Variants in PRKCG observed in about 807,000 individuals in gnomAD.
PRKCG encodes protein kinase C gamma.
In PRKCG, 28 loss-of-function variants were observed where a neutral mutation model predicts 82.0. The ratio of observed to expected loss-of-function variants is 0.34; its 90% CI spans 0.25 to 0.47. PRKCG has a LOEUF of 0.47. Ranked by LOEUF, PRKCG falls within the 20% of genes least tolerant of loss-of-function variation. The probability of loss-of-function intolerance (pLI) is 1.00; values close to 1 mark genes in which losing one functional copy is unlikely to be tolerated. For synonymous variants in PRKCG, 383 were observed against 376.6 expected (o/e 1.02, Z -0.20); for missense variants, 640 against 952.7 (o/e 0.67, Z 4.32).
In PRKCG at chr19:53,882,653, C is replaced by G; in HGVS notation, c.159C>G (p.Thr53=). 6.2e-7 allele frequency: 1 copy of G among 1,612,462 alleles called. No homozygotes were observed. Among genetic ancestry groups the G allele is most frequent in the Admixed American group, 1.7e-5 (1 of 59,996 alleles). ...FKQPTFCSHC[T]DFIWGIGKQG... is the part of the protein sequence containing the mutation. ...AGCCCACCTTCTGCAGCCACTGCACCGACTTCATCTGGTGAGGGAAGGGGG... is the reference window on the plus strand; with the variant it reads ...AGCCCACCTTCTGCAGCCACTGCACGGACTTCATCTGGTGAGGGAAGGGGG... The change falls in exon 1 of 18, where the codon ACC becomes ACG. Residue 53 remains threonine, a synonymous_variant. Transcript: ENST00000263431. This position sits in a 1 kb window ranked among gnomAD's most constrained non-coding sequence, Gnocchi z 6.1.
Position 53,900,259 on chromosome 19 carries a change from C to CG in PRKCG, c.1309dup (p.Val437GlyfsTer17). The CG allele has an allele frequency of 6.2e-7, 1 of 1,614,072 alleles. No homozygotes were observed. Among genetic ancestry groups the CG allele is most frequent in the Non-Finnish European group, 8.5e-7 (1 of 1,180,028 alleles). ...ACCGCCTGTATTTCGTGATGGAGTA[C>CG]GTCACCGGGGGAGACTTGATGTACC... On this transcript the variant is annotated frameshift_variant, in exon 12 of 18. Transcript: ENST00000263431. LOFTEE classifies it high-confidence loss of function. This position sits in a 1 kb window ranked among gnomAD's most constrained non-coding sequence, Gnocchi z 4.2.
At position 53,884,072 on chromosome 19, in the gene PRKCG, C is replaced by T. The variant is rs1599938439; in HGVS notation, c.203-89C>T. ...TCTGGTTTTCTCAGTGTCCGAGTTC[C>T]GCTCTCTCTTTCCAATTTTCTGTCT... On this transcript the variant is annotated intron_variant, in intron 2 of 17. Coordinates refer to ENST00000263431, the MANE Select transcript of PRKCG (RefSeq NM_002739.5). This position sits in a 1 kb window ranked among gnomAD's most constrained non-coding sequence, Gnocchi z 4.6. 4.6e-6 allele frequency: 6 copies of T among 1,292,668 alleles called. No homozygotes were observed. The highest frequency in any genetic ancestry group is 3.4e-5 in the Admixed American group (2 of 58,730). 80.1% of individuals were successfully genotyped at this position (1,292,668 alleles called of 1,614,324 possible). A position where few individuals can be genotyped will look rare whatever the true frequency, so the allele number is the denominator to read the frequency against.
chr19:53,885,221 A>T (rs1049165244), intron 3 of PRKCG, among the ~76,000 whole-genome samples: 1 of 149,928 alleles, frequency 6.7e-6, no homozygotes, highest in Non-Finnish European at 1.5e-5. Flanking sequence ...ATTGGCTTAA[A>T]TTTTTTTTTT....
chr19:53,885,067 T>C (rs996037596), intron 3 of PRKCG, among the ~76,000 whole-genome samples: 39 of 152,156 alleles, frequency 2.6e-4, no homozygotes, highest in Admixed American at 2.4e-3. Flanking sequence ...TGATCTAGCA[T>C]TGACCAACAG....
intron 9 of PRKCG, among the ~76,000 whole-genome samples, chr19:53,893,757 T>C (rs2068697278): frequency 7.5e-6 from 1 of 132,806 alleles, no homozygotes; most frequent in Admixed American, 7.7e-5. Flanking sequence ...AATTTTTTAA[T>C]TTATTTTTAT....
chr19:53,904,677 A>G lies in PRKCG; in HGVS notation c.1699A>G (p.Ile567Val). 7.4e-6 allele frequency: 12 copies of G among 1,613,698 alleles called. No individual in the cohort carries two copies. Among genetic ancestry groups the G allele is most frequent in the Non-Finnish European group, 1.0e-5 (12 of 1,179,936 alleles). Residue 567 changes from isoleucine (I) to valine (V), a missense_variant, in exon 16 of 18, where the codon ATC (isoleucine) becomes GTC (valine). By Grantham distance (29) the Ile-to-Val change is conservative (BLOSUM62 3). Around this residue, in one of 7 missense-constraint regions of PRKCG, gnomAD observed 198 missense variants for 273.4 expected, o/e 0.72. Transcript: ENST00000263431. ...GEDEEELFQA[I>V]MEQTVTYPKS... is the part of the protein sequence containing the mutation. ...GGACGAGGAGGAGCTGTTTCAGGCC[A>G]TCATGGAACAAACTGTCACCTACCC...
At chr19:53,906,029 C>A (rs997463627) in intron 16 of PRKCG, among the ~76,000 whole-genome samples, 2 of 67,894 alleles carry the variant, frequency 2.9e-5, no homozygotes, top group African/African-American at 1.3e-4. Context: ...CTGTCTCCCT[C>A]CTCCTCCTCC....
rs1337700528 is a variant in PRKCG, at chr19:53,906,111, TC to T, written c.1765-205del. On this transcript the variant is annotated intron_variant, in intron 16 of 17. Coordinates refer to ENST00000263431, the MANE Select transcript of PRKCG (RefSeq NM_002739.5). ...TTCTTCTTCTTCTTCTTCTTCTTCT[TC>T]TTCTTCTTTTCTTCTCTCTCTCTCT... Among the ~76,000 whole-genome samples, 227 of 94,076 alleles carry T rather than the reference TC, an allele frequency of 2.4e-3. 13 individuals carry two copies. The highest frequency in any genetic ancestry group is 0.019 in the African/African-American group (205 of 10,766). 61.7% of individuals were successfully genotyped at this position (94,076 alleles called of 152,430 possible).
chr19:53,897,713 T>A (rs1221389518), intron 9 of PRKCG, among the ~76,000 whole-genome samples: 1 of 150,764 alleles, frequency 6.6e-6, no homozygotes. Flanking sequence ...AAACAGCATA[T>A]GATAAGCTAT....
chr19:53,906,400 G>A lies in PRKCG; in HGVS notation c.1848G>A (p.Trp616Ter). 6.4e-7 allele frequency: 1 copy of A among 1,569,656 alleles called. No individual in the cohort carries two copies. Among genetic ancestry groups the A allele is most frequent in the Non-Finnish European group, 8.6e-7 (1 of 1,156,296 alleles). ...PTIRAHGFFRWIDWERLERLE... is the reference protein window; with the variant it reads ...PTIRAHGFFR The stretch of plus-strand genomic sequence containing the variant: ...TCCGTGCACATGGCTTTTTCCGCTG[G>A]ATTGACTGGGAGCGGCTGGAACGAT... Residue 616 changes from tryptophan (W) to a stop codon, truncating the protein, a stop_gained, in exon 17 of 18, where the codon TGG becomes TGA. Transcript: ENST00000263431. LOFTEE classifies it high-confidence loss of function.
At chr19:53,891,152 C>T (rs1249974939) in intron 5 of PRKCG, among the ~76,000 whole-genome samples, 1 of 152,028 alleles carries the variant, frequency 6.6e-6, no homozygotes, top group African/African-American at 2.4e-5. Context: ...AACTCTGGTT[C>T]CTAATGGAGA....
In PRKCG at chr19:53,904,869, T is replaced by C. The variant is rs998823485; in HGVS notation, c.1764+127T>C. 6.4e-6 allele frequency: 5 copies of C among 779,922 alleles called. No individual in the cohort carries two copies. The African/African-American group carries it at 8.6e-5, about 13-fold the overall frequency. 48.3% of individuals were successfully genotyped at this position (779,922 alleles called of 1,614,324 possible). A position where few individuals can be genotyped will look rare whatever the true frequency, so the allele number is the denominator to read the frequency against. On this transcript the variant is annotated intron_variant, in intron 16 of 17. Transcript: ENST00000263431. ...TACTTCCATCTGTTGGAAAAGTTGA[T>C]ATGATGCATAGGTTTTGTTAGAACA...
chr19:53,906,720 G>C lies in PRKCG; in HGVS notation c.1919G>C (p.Gly640Ala). 1 of 1,612,858 alleles carries C rather than the reference G, an allele frequency of 6.2e-7. No homozygotes were observed. The highest frequency in any genetic ancestry group is 1.1e-5 in the South Asian group (1 of 91,050). ...PFRPRPCGRS[G>A]ENFDKFFTRA... is the part of the protein sequence containing the mutation. ...CGTCTCCCACAGTGTGGCCGCAGCG[G>C]CGAGAACTTTGACAAGTTCTTCACG... The change falls in exon 18 of 18, where the codon GGC becomes GCC. Residue 640 changes from glycine (G) to alanine (A), a missense_variant. By Grantham distance (60) the Gly-to-Ala change is moderately conservative (BLOSUM62 0). Transcript: ENST00000263431.
Position 53,906,897 on chromosome 19 carries a change from C to A in PRKCG, c.*2C>A, listed in dbSNP as rs767847826. On this transcript the variant is annotated 3_prime_UTR_variant, in exon 18 of 18. Transcript: ENST00000263431. ...CCAGTGCCTGTGCCCGTCATGTAAT[C>A]TCACCCGCCGCCACTAGGTGTCCCC... The A allele has an allele frequency of 2.5e-6, 4 of 1,612,848 alleles. No individual in the cohort carries two copies. In the Admixed American group the frequency reaches 6.7e-5, roughly 27 times the overall value.
chr19:53,899,755 T>A (rs1206205839), intron 11 of PRKCG, among the ~76,000 whole-genome samples: 3 of 152,044 alleles, frequency 2.0e-5, no homozygotes, highest in Admixed American at 1.3e-4. Context: ...CTCAGCTGAT[T>A]TTTGTATTTT....
chr19:53,893,456 C>A, intron 9 of PRKCG, 65 bp downstream of exon 9: 1 of 1,507,920 alleles, frequency 6.6e-7, no homozygotes, highest in South Asian at 1.1e-5. Context: ...CTTATTCCTC[C>A]TCTGACTTCT....
At chr19:53,895,156 T>C (rs1334435119) in intron 9 of PRKCG, among the ~76,000 whole-genome samples, 1 of 152,066 alleles carries the variant, frequency 6.6e-6, no homozygotes, top group Non-Finnish European at 1.5e-5. Context: ...ACAAAAAAGT[T>C]CCTTTCCTTA....
chr19:53,906,261 T>A, intron 16 of PRKCG, 56 bp from the exon 17 acceptor site: 1 of 1,549,262 alleles, frequency 6.5e-7, no homozygotes, highest in Non-Finnish European at 8.7e-7. Flanking sequence ...TCTCTGGGTC[T>A]ACCTGTCCGG....
At position 53,898,044 on chromosome 19, in the gene PRKCG, G is replaced by A. The variant is rs745899619; in HGVS notation, c.1025G>A (p.Ser342Asn). The change falls in exon 10 of 18, where the codon AGT becomes AAT. Residue 342 changes from serine to asparagine, a missense_variant. Physicochemically the swap from Ser to Asn is conservative, Grantham distance 46 (BLOSUM62 1). Transcript: ENST00000263431. ...TDPKRCFFGA[S>N]PGRLHISDFS... Reference sequence around the variant, plus strand: ...CCCAAGCGCTGCTTCTTCGGGGCGAGTCCAGGACGCCTGCACATCTCCGAC... The same window carrying A: ...CCCAAGCGCTGCTTCTTCGGGGCGAATCCAGGACGCCTGCACATCTCCGAC... 4.3e-6 allele frequency: 7 copies of A among 1,614,026 alleles called. No homozygotes were observed. The highest frequency in any genetic ancestry group is 1.1e-5 in the South Asian group (1 of 91,088).
Sources: allele counts gnomAD v4.1 joint callset (sites outside exome capture counted in the v4.1 genomes callset), GRCh38; gene constraint gnomAD v4.1.1; regional missense constraint gnomAD v4.1.1; non-coding constraint Gnocchi (gnomAD v3.1); transcripts MANE v1.5; gene names NCBI Gene and HGNC (gene_info 2026-07-23, HGNC 2026-07-21).